The following EEF1D variants were observed in gnomAD, a reference collection of about 807,000 sequenced individuals.
The protein encoded by EEF1D is elongation factor 1-delta.
EEF1D carries 47 observed loss-of-function variants against 63.9 expected under a neutral mutation model. The ratio of observed to expected loss-of-function variants is 0.74; its 90% CI spans 0.58 to 0.94. The LOEUF (loss-of-function observed/expected upper bound fraction) is 0.94. Ranked by LOEUF, EEF1D falls within the 40% of genes least tolerant of loss-of-function variation. The pLI is 0.00. For missense variants in EEF1D, 907 were observed against 899.0 expected, an observed-to-expected ratio of 1.01 and a Z score of -0.11; for synonymous variants, 412 against 386.1, an observed-to-expected ratio of 1.07 and a Z score of -0.79.
At chr8:143,586,136 A>G (rs1159727477) in intron 5 of EEF1D, 83 bp downstream of exon 5, 10 of 1,383,466 alleles carry the variant, frequency 7.2e-6, no homozygotes, top group East Asian at 2.4e-5. Flanking sequence ...TGTGAAGCCA[A>G]AACAACCAGC....
chr8:143,581,202 C>T (rs1460007384), intron 6 of EEF1D, 27 bp downstream of exon 6: 1 of 1,612,690 alleles, frequency 6.2e-7, no homozygotes, highest in Non-Finnish European at 8.5e-7. Flanking sequence ...CCAGGGACAG[C>T]CCCAACCCAC....
intron 4 of EEF1D, among the ~76,000 whole-genome samples, 156 bp from the exon 5 acceptor site, chr8:143,586,446 C>G (rs1032269949): frequency 1.3e-5 from 2 of 152,258 alleles, no homozygotes; most frequent in African/African-American, 4.8e-5. Context: ...CGGGAGATGC[C>G]TGAGGCTGTG....
At position 143,579,836 on chromosome 8, in the gene EEF1D, G is replaced by T. The variant is rs772241821; in HGVS notation, c.1906-6C>A. 17 of 1,561,532 alleles carry T rather than the reference G, an allele frequency of 1.1e-5. No homozygotes were observed. Among genetic ancestry groups the T allele is most frequent in the Non-Finnish European group, 1.5e-5 (17 of 1,150,894 alleles). Reference sequence around the variant, plus strand: ...GCGATATCGACACTCTGCACCTGAGGAGAGGCGGAGGGTGACGGTCAGGGC... The same window carrying T: ...GCGATATCGACACTCTGCACCTGAGTAGAGGCGGAGGGTGACGGTCAGGGC... On this transcript the variant is annotated splice_region_variant and splice_polypyrimidine_tract_variant and intron_variant, in intron 9 of 9. Coordinates refer to ENST00000618139, the MANE Select transcript of EEF1D (RefSeq NM_001130053.5).
chr8:143,593,708 G>A (rs1828346116), intron 1 of EEF1D, among the ~76,000 whole-genome samples: 1 of 152,154 alleles, frequency 6.6e-6, no homozygotes, highest in South Asian at 2.1e-4. Flanking sequence ...GCCCTCAGGA[G>A]ACACCACAGT....
chr8:143,583,774 C>T (rs1826006218), intron 5 of EEF1D: 1 of 152,292 alleles, frequency 6.6e-6, no homozygotes, highest in African/African-American at 2.4e-5. Flanking sequence ...AATATGGTCT[C>T]CCATGGCAAA....
At chr8:143,595,664 C>CA (rs1828678855) in intron 1 of EEF1D, among the ~76,000 whole-genome samples, 1 of 151,448 alleles carries the variant, frequency 6.6e-6, no homozygotes, top group Non-Finnish European at 1.5e-5. Context: ...CTGCCCCAGG[C>CA]CAAGCCCCGC....
chr8:143,589,796 G>T lies in EEF1D; in HGVS notation c.286C>A (p.Leu96Ile). ...AGGAGGGCCAGGTCCGCGGGGCCGA[G>T]CCCGCTCTTGGGGGAGCGCTTCCTC... ...KKRKRSPKSG[L>I]GPADLALLGL... The change falls in exon 3 of 10, where the codon CTC becomes ATC. Residue 96 changes from leucine (L) to isoleucine (I), a missense_variant. Coordinates refer to ENST00000618139, the MANE Select transcript of EEF1D (RefSeq NM_001130053.5). 2 of 1,587,624 alleles carry T rather than the reference G, an allele frequency of 1.3e-6. No individual in the cohort carries two copies. Among genetic ancestry groups the T allele is most frequent in the African/African-American group, 2.7e-5 (2 of 73,998 alleles).
At chr8:143,585,601 C>G (rs1178250839) in intron 5 of EEF1D, among the ~76,000 whole-genome samples, 1 of 152,318 alleles carries the variant, frequency 6.6e-6, no homozygotes, top group Non-Finnish European at 1.5e-5. Flanking sequence ...CCGGGGAGAA[C>G]GCAGTCCCAA....
At chr8:143,587,098 C>A in intron 3 of EEF1D, 1 of 382,062 alleles carries the variant, frequency 2.6e-6, no homozygotes, top group South Asian at 4.4e-5. Context: ...CTTTCACTCA[C>A]ACGAAGCTGG....
At chr8:143,593,746 G>T in intron 1 of EEF1D, 1 of 536,286 alleles carries the variant, frequency 1.9e-6, no homozygotes, top group Non-Finnish European at 2.4e-6. Flanking sequence ...TGGAGGCCAG[G>T]CCCGTCACCT....
rs78886866 is a variant in EEF1D, at chr8:143,589,220, G to A, written c.862C>T (p.Arg288Trp). ...RRGRNILGNK[R>W]AGLRRADGEA... ...CCATCGGCCCGTCGCAGCCCGGCCC[G>A]CTTGTTCCCTAAGATGTTGCGGCCC... The change falls in exon 3 of 10, where the codon CGG becomes TGG. Residue 288 changes from arginine (R) to tryptophan (W), a missense_variant. Physicochemically the swap from Arg to Trp is moderately radical, Grantham distance 101 (BLOSUM62 -3). Transcript: ENST00000618139. The A allele has an allele frequency of 2.8e-3, 4,449 of 1,581,002 alleles. 7 individuals carry two copies. The highest frequency in any genetic ancestry group is 3.5e-3 in the Non-Finnish European group (4,048 of 1,162,034).
intron 3 of EEF1D, among the ~76,000 whole-genome samples, chr8:143,588,582 T>G (rs1266008861): frequency 6.6e-6 from 1 of 152,122 alleles, no homozygotes; most frequent in Non-Finnish European, 1.5e-5. Flanking sequence ...GGCTCCCACA[T>G]CTCATCGCAG....
intron 2 of EEF1D, chr8:143,592,232 A>G (rs892204244): frequency 3.3e-5 from 33 of 985,334 alleles, no homozygotes; most frequent in Non-Finnish European, 3.6e-5. Context: ...AGGTCCCATC[A>G]GCAGTGCCAC....
At chr8:143,581,011 C>T (rs759317910) in intron 7 of EEF1D, 43 bp downstream of exon 7, 20 of 1,588,010 alleles carry the variant, frequency 1.3e-5, no homozygotes, top group Non-Finnish European at 1.7e-5. Flanking sequence ...GCCAGCAGGG[C>T]CACGTGGTCC....
rs199856046 is a variant in EEF1D, at chr8:143,579,812, C to T, written c.1924G>A (p.Ala642Thr). The change falls in exon 10 of 10, where the codon GCA becomes ACA. Residue 642 changes from alanine to threonine, a missense_variant. Coordinates refer to ENST00000618139, the MANE Select transcript of EEF1D (RefSeq NM_001130053.5). Reference protein sequence around the residue: ...FEEHVQSVDIAAFNKI With the variant: ...FEEHVQSVDITAFNKI ...AGGCTTCAGATCTTGTTGAAAGCTG[C>T]GATATCGACACTCTGCACCTGAGGA... 144 of 1,565,892 alleles carry T rather than the reference C, an allele frequency of 9.2e-5. No homozygotes were observed. The highest frequency in any genetic ancestry group is 6.7e-4 in the Admixed American group (36 of 53,570).
chr8:143,580,302 A>G (rs1825183525), intron 8 of EEF1D, 96 bp from the exon 9 acceptor site: 3 of 1,364,054 alleles, frequency 2.2e-6, no homozygotes, highest in Admixed American at 2.3e-5. Context: ...GTGTGTCCAC[A>G]ATTCTGTTTC....
Position 143,579,768 on chromosome 8 carries a change from C to G in EEF1D, c.*24G>C. ...TAATCGTGGCAGGGCCTCACGCACGCGCGCACGTACACACACTCAGGCTTC... is the reference window on the plus strand; with the variant it reads ...TAATCGTGGCAGGGCCTCACGCACGGGCGCACGTACACACACTCAGGCTTC... On this transcript the variant is annotated 3_prime_UTR_variant, in exon 10 of 10. Transcript: ENST00000618139. The G allele has an allele frequency of 3.3e-6, 5 of 1,532,628 alleles. No homozygotes were observed. The highest frequency in any genetic ancestry group is 3.5e-6 in the Non-Finnish European group (4 of 1,138,874). 94.9% of individuals were successfully genotyped at this position (1,532,628 alleles called of 1,614,324 possible).
intron 2 of EEF1D, chr8:143,592,317 T>C (rs1828109801): frequency 1.8e-5 from 18 of 978,600 alleles, no homozygotes; most frequent in Non-Finnish European, 2.1e-5. Flanking sequence ...TCTTGGGGGC[T>C]CCGGGCAGAA....
intron 7 of EEF1D, 58 bp from the exon 8 acceptor site, chr8:143,580,785 C>T: frequency 6.3e-7 from 1 of 1,586,800 alleles, no homozygotes; most frequent in Non-Finnish European, 8.6e-7. Context: ...GGGCCCAGAG[C>T]TGCCTGGCCA....
Sources: allele counts gnomAD v4.1 joint callset (sites outside exome capture counted in the v4.1 genomes callset), GRCh38; gene constraint gnomAD v4.1.1; transcripts MANE v1.5; gene names NCBI Gene and HGNC (gene_info 2026-07-23, HGNC 2026-07-21).